Variants in SLC12A1 observed in about 807,000 individuals in gnomAD.
The protein encoded by SLC12A1 is Na-K-2Cl cotransporter.
Under a neutral mutation model 130.4 loss-of-function variants are expected in SLC12A1, and 89 were observed. That is an observed-to-expected ratio of 0.68 (90% confidence interval 0.58 to 0.81). SLC12A1 has a LOEUF of 0.81. Among genes scored for constraint, SLC12A1 ranks in the 40% least tolerant of loss-of-function variants. The pLI is 0.00. For missense variants in SLC12A1, 1,310 were observed against 1,336.4 expected, an observed-to-expected ratio of 0.98 and a Z score of 0.31; for synonymous variants, 499 against 460.0, an observed-to-expected ratio of 1.08 and a Z score of -1.09.
At chr15:48,289,419 ATATATATATAAT>A (rs919970926) in intron 23 of SLC12A1, among the ~76,000 whole-genome samples, 14 of 134,224 alleles carry the variant, frequency 1.0e-4, no homozygotes, top group South Asian at 4.6e-4. Context: ...ATATATATAT[ATATATATATAAT>A]GTATAACTAT....
chr15:48,270,138 T>C (rs973750797), intron 19 of SLC12A1, among the ~76,000 whole-genome samples: 3 of 152,216 alleles, frequency 2.0e-5, no homozygotes, highest in African/African-American at 7.2e-5. Flanking sequence ...TGTCTTCTTC[T>C]GAGCCTCTGA....
intron 17 of SLC12A1, among the ~76,000 whole-genome samples, chr15:48,267,066 A>G (rs2041839321): frequency 6.6e-6 from 1 of 152,196 alleles, no homozygotes; most frequent in Non-Finnish European, 1.5e-5. Context: ...CGAAAAAGCA[A>G]CGCATCAGCC....
Position 48,267,657 on chromosome 15 carries a change from G to C in SLC12A1, c.2251G>C (p.Val751Leu). The C allele has an allele frequency of 6.2e-7, 1 of 1,613,580 alleles. No individual in the cohort carries two copies. Among genetic ancestry groups the C allele is most frequent in the Non-Finnish European group, 8.5e-7 (1 of 1,179,604 alleles). ...CAAAATCAAGGCTTTTTATGCTGCA[G>C]TGGCGGCAGACTGTTTCAGGGATGG... ...KNKIKAFYAA[V>L]AADCFRDGVR... Residue 751 changes from valine (V) to leucine (L), a missense_variant, in exon 18 of 27, where the codon GTG becomes CTG. Val to Leu is a conservative substitution (Grantham distance 32). Transcript: ENST00000380993.
At chr15:48,221,056 C>A (rs1300690972) in intron 4 of SLC12A1, 60 bp downstream of exon 4, 4 of 1,421,556 alleles carry the variant, frequency 2.8e-6, no homozygotes, top group African/African-American at 1.4e-5. Flanking sequence ...AATAAGCAAT[C>A]TTTTTTCACC....
intron 11 of SLC12A1, among the ~76,000 whole-genome samples, chr15:48,245,752 T>G (rs2141056043): frequency 6.6e-6 from 1 of 152,332 alleles, no homozygotes; most frequent in African/African-American, 2.4e-5. Flanking sequence ...ATCTTTTTGG[T>G]TGAATGATAT....
At chr15:48,255,165 C>T (rs2041691852) in intron 15 of SLC12A1, among the ~76,000 whole-genome samples, 2 of 152,220 alleles carry the variant, frequency 1.3e-5, no homozygotes, top group Non-Finnish European at 2.9e-5. Context: ...TTGGGCCAGG[C>T]GCGGTGGCTC....
intron 15 of SLC12A1, among the ~76,000 whole-genome samples, chr15:48,254,591 G>GAAAA (rs2041682307): frequency 3.8e-5 from 1 of 26,378 alleles, no homozygotes; most frequent in South Asian, 1.1e-3. Flanking sequence ...ACTTAAATTC[G>GAAAA]TAAAAAAAAA....
intron 4 of SLC12A1, chr15:48,224,610 G>A (rs1388159550): frequency 7.0e-6 from 1 of 142,070 alleles, no homozygotes; most frequent in Non-Finnish European, 1.6e-5. Flanking sequence ...TTGTGTAGAT[G>A]CCTGTGGTGC....
At chr15:48,293,111 G>A (rs1416034059) in intron 24 of SLC12A1, among the ~76,000 whole-genome samples, 2 of 152,128 alleles carry the variant, frequency 1.3e-5, no homozygotes, top group Non-Finnish European at 2.9e-5. Context: ...CTTTCGCCAT[G>A]TTGCCCAGGC....
chr15:48,245,891 G>T (rs2041573897), intron 11 of SLC12A1, among the ~76,000 whole-genome samples: 1 of 152,178 alleles, frequency 6.6e-6, no homozygotes, highest in Non-Finnish European at 1.5e-5. Flanking sequence ...CTTTGAGGTG[G>T]CCCTGGAAAG....
rs183589863 is a variant in SLC12A1, at chr15:48,254,205, T to C, written c.1943-1606T>C. 5.0e-3 allele frequency among the ~76,000 whole-genome samples: 732 copies of C among 145,706 alleles called. 7 individuals are homozygous for C. The highest frequency in any genetic ancestry group is 0.044 in the Middle Eastern group (13 of 294). On this transcript the variant is annotated intron_variant, in intron 15 of 26. Coordinates refer to ENST00000380993, the MANE Select transcript of SLC12A1 (RefSeq NM_000338.3). Reference sequence around the variant, plus strand: ...TTGCATCTGATCTAAGGTATCTTTTTCTTATCCAGAGTCACAAACTTCTAG... The same window carrying C: ...TTGCATCTGATCTAAGGTATCTTTTCCTTATCCAGAGTCACAAACTTCTAG...
chr15:48,269,236 TC>T (rs2041866340), intron 18 of SLC12A1, among the ~76,000 whole-genome samples: 1 of 152,192 alleles, frequency 6.6e-6, no homozygotes, highest in Non-Finnish European at 1.5e-5. Flanking sequence ...ATTTTAGTGA[TC>T]CTTGTACATA....
At chr15:48,236,924 G>T in intron 9 of SLC12A1, 1 of 627,278 alleles carries the variant, frequency 1.6e-6, no homozygotes, top group Non-Finnish European at 2.8e-6. Flanking sequence ...AAACAAGTTT[G>T]TATCAGATGT....
rs34512592 is a variant in SLC12A1 at position 48,278,885 on chromosome 15, T to C, written c.2485+4232T>C. ...CCATCAATTTACTTCTATAAAGCAATACAGCAACCAAGTTTTGCAATATTT... is the reference window on the plus strand; with the variant it reads ...CCATCAATTTACTTCTATAAAGCAACACAGCAACCAAGTTTTGCAATATTT... On this transcript the variant is annotated intron_variant, in intron 20 of 26. Coordinates refer to ENST00000380993, the MANE Select transcript of SLC12A1 (RefSeq NM_000338.3). 4.6e-3 allele frequency among the ~76,000 whole-genome samples: 706 copies of C among 152,270 alleles called. 4 individuals are homozygous for C. The highest frequency in any genetic ancestry group is 0.017 in the African/African-American group (687 of 41,556).
chr15:48,277,083 G>A (rs2041961198), intron 20 of SLC12A1, among the ~76,000 whole-genome samples: 2 of 152,150 alleles, frequency 1.3e-5, no homozygotes, highest in South Asian at 2.1e-4. Flanking sequence ...CAACCCTTCT[G>A]AGAAGCTTGG....
intron 19 of SLC12A1, among the ~76,000 whole-genome samples, chr15:48,272,997 A>G (rs2041913697): frequency 2.0e-5 from 3 of 150,826 alleles, no homozygotes; most frequent in African/African-American, 7.3e-5. Flanking sequence ...AATTCCAGCT[A>G]CTCAGCAGGT....
At chr15:48,257,311 CGGT>C (rs1566844095) in intron 16 of SLC12A1, among the ~76,000 whole-genome samples, 1 of 152,150 alleles carries the variant, frequency 6.6e-6, no homozygotes, top group Non-Finnish European at 1.5e-5. Context: ...TGCAAACTGT[CGGT>C]GGATCTACCA....
Position 48,235,230 on chromosome 15 carries a change from G to T in SLC12A1, c.1215+226G>T, listed in dbSNP as rs924577036. On this transcript the variant is annotated intron_variant, in intron 9 of 26. Coordinates refer to ENST00000380993, the MANE Select transcript of SLC12A1 (RefSeq NM_000338.3). The stretch of plus-strand genomic sequence containing the variant: ...TTATTCAGTGATATCAGAAGAACAG[G>T]GTAGTGTGATAGTGTGTCATATTTC... 2.2e-5 allele frequency: 13 copies of T among 581,328 alleles called. No homozygotes were observed. In the African/African-American group the frequency reaches 2.4e-4, roughly 11 times the overall value. 36.0% of individuals were successfully genotyped at this position (581,328 alleles called of 1,614,324 possible). A position where few individuals can be genotyped will look rare whatever the true frequency, so the allele number is the denominator to read the frequency against.
chr15:48,234,940 T>G lies in SLC12A1; in HGVS notation c.1151T>G (p.Phe384Cys), dbSNP rs1312080488. 3 of 1,613,882 alleles carry G rather than the reference T, an allele frequency of 1.9e-6. No individual in the cohort carries two copies. The highest frequency in any genetic ancestry group is 2.5e-6 in the Non-Finnish European group (3 of 1,179,810). ...FTKGEGFFSV[F>C]AIFFPAATGI... is the part of the protein sequence containing the mutation. ...AAGGGTGAAGGCTTCTTCTCTGTCT[T>G]TGCCATTTTTTTCCCAGCAGCTACT... Residue 384 changes from phenylalanine (F) to cysteine (C), a missense_variant, in exon 9 of 27, where the codon TTT (phenylalanine) becomes TGT (cysteine). Physicochemically the swap from Phe to Cys is radical, Grantham distance 205. Transcript: ENST00000380993.
Sources: gnomAD v4.1 joint callset for allele counts (sites outside exome capture counted in the v4.1 genomes callset) on GRCh38, gnomAD v4.1.1 for gene constraint, MANE v1.5 for transcripts, NCBI Gene and HGNC (gene_info 2026-07-23, HGNC 2026-07-21) for gene names.